Variants in ZFP90 observed in about 807,000 individuals in gnomAD.
ZFP90 encodes the protein ZFP90 zinc finger protein.
A neutral mutation model predicts 60.8 loss-of-function variants in ZFP90; 38 were observed. That is an observed-to-expected ratio of 0.62 (90% CI 0.48 to 0.82). The LOEUF is 0.82. Among genes scored for constraint, ZFP90 ranks in the 40% least tolerant of loss-of-function variants. ZFP90 has a pLI of 0.00. For missense variants in ZFP90, 711 were observed against 759.1 expected (o/e 0.94, Z 0.74); for synonymous variants, 287 against 264.8 (o/e 1.08, Z -0.82).
At chr16:68,572,015 T>C (rs1041525299), downstream of ZFP90, among the ~76,000 whole-genome samples, 2 of 152,152 alleles carry the variant, frequency 1.3e-5, no homozygotes, top group Non-Finnish European at 2.9e-5. Context: ...TGGAAAAACA[T>C]ACTTTTTTAA....
chr16:68,545,307 T>G (rs572134381), intron 2 of ZFP90, among the ~76,000 whole-genome samples: 2 of 152,108 alleles, frequency 1.3e-5, no homozygotes, highest in Non-Finnish European at 2.9e-5. Context: ...TTGCCCAGAC[T>G]AAACACGAGG....
rs2091504361 is a variant in ZFP90 at position 68,565,073 on chromosome 16, AT to A, written c.*377del. 5 of 999,378 alleles carry A rather than the reference AT, an allele frequency of 5.0e-6. No individual in the cohort carries two copies. Among genetic ancestry groups the A allele is most frequent in the Non-Finnish European group, 6.0e-6 (5 of 839,162 alleles). The allele number at this position is 999,378 out of a possible 1,614,324, so 61.9% of individuals were successfully genotyped here. On this transcript the variant is annotated 3_prime_UTR_variant, in exon 5 of 5. Coordinates refer to ENST00000563169, the MANE Select transcript of ZFP90 (RefSeq NM_001305203.2). Reference sequence around the variant, plus strand: ...GTAATGACCAAAACCCATTTTAAAAATTGCTTGACAACTGCACTCAACTGCA... The same window carrying A: ...GTAATGACCAAAACCCATTTTAAAAATGCTTGACAACTGCACTCAACTGCA...
At chr16:68,554,025 A>G (rs569432924) in intron 2 of ZFP90, among the ~76,000 whole-genome samples, 111 of 152,244 alleles carry the variant, frequency 7.3e-4, no homozygotes, top group Admixed American at 2.5e-3. Flanking sequence ...AGGTTGTAGC[A>G]GTAGTTCAGG....
intron 2 of ZFP90, among the ~76,000 whole-genome samples, chr16:68,543,365 T>C (rs921852817): frequency 6.6e-6 from 1 of 152,098 alleles, no homozygotes; most frequent in African/African-American, 2.4e-5. Flanking sequence ...TAGAGAGGTG[T>C]TTTGATGAGT....
intron 1 of ZFP90, 92 bp downstream of exon 1, chr16:68,539,571 A>AG (rs775099348): frequency 1.1e-5 from 6 of 537,756 alleles, no homozygotes; most frequent in South Asian, 7.9e-5. Flanking sequence ...GCGTGGCCGG[A>AG]GGGGGGTGTC....
chr16:68,564,534 T>C lies in ZFP90; in HGVS notation c.1747T>C (p.Cys583Arg). ...RTHTGEKPYE[C>R]NECGRAFRKK... ...TCATACTGGAGAGAAGCCCTATGAA[T>C]GTAATGAATGTGGGAGAGCCTTCCG... The change falls in exon 5 of 5, where the codon TGT becomes CGT. Residue 583 changes from cysteine to arginine, a missense_variant. By Grantham distance (180) the Cys-to-Arg change is radical. Transcript: ENST00000563169. 6.2e-7 allele frequency: 1 copy of C among 1,613,996 alleles called. No homozygotes were observed. The highest frequency in any genetic ancestry group is 2.2e-5 in the East Asian group (1 of 44,866).
rs1473867830 is a variant in ZFP90, at chr16:68,563,256, C to A, written c.469C>A (p.Gln157Lys). The A allele has an allele frequency of 6.2e-7, 1 of 1,613,538 alleles. No individual in the cohort carries two copies. The highest frequency in any genetic ancestry group is 2.2e-5 in the East Asian group (1 of 44,882). ...KIITPQENFE[Q>K]NKFGENSRLN... ...AATTACACCACAAGAAAATTTTGAG[C>A]AAAATAAATTTGGTGAAAATTCTAG... The change falls in exon 5 of 5, where the codon CAA becomes AAA. Residue 157 changes from glutamine (Q) to lysine (K), a missense_variant. Physicochemically the swap from Gln to Lys is moderately conservative, Grantham distance 53. Coordinates refer to ENST00000563169, the MANE Select transcript of ZFP90 (RefSeq NM_001305203.2).
In ZFP90 at chr16:68,553,594, GTGACTTGATCTGGCAGATTTTTGTTT is replaced by G. The variant is rs566906339; in HGVS notation, c.34-4401_34-4376del. 1.7e-4 allele frequency among the ~76,000 whole-genome samples: 26 copies of G among 152,234 alleles called. No individual in the cohort carries two copies. The South Asian group carries it at 5.4e-3, about 32-fold the overall frequency. ...TGCCATTGGAGGCCTTGAAACAGAG[GTGACTTGATCTGGCAGATTTTTGTTT>G]TGTTTTGTTTTTCTTTGAGACAGGG... On this transcript the variant is annotated intron_variant, in intron 2 of 4. Transcript: ENST00000563169.
intron 2 of ZFP90, among the ~76,000 whole-genome samples, chr16:68,540,578 G>T (rs1254224930): frequency 6.6e-6 from 1 of 152,084 alleles, no homozygotes; most frequent in Non-Finnish European, 1.5e-5. Context: ...TCAAGATCCA[G>T]ATGGTATCTG....
At chr16:68,555,509 C>G (rs56207945) in intron 2 of ZFP90, among the ~76,000 whole-genome samples, 19,853 of 152,166 alleles carry the variant, frequency 0.13, 1,430 homozygotes, top group Middle Eastern at 0.16. Flanking sequence ...TCATCCATCT[C>G]CTTAAGGCTC....
chr16:68,538,811 C>T (rs2090982808), upstream of ZFP90, among the ~76,000 whole-genome samples: 1 of 152,130 alleles, frequency 6.6e-6, no homozygotes, highest in Non-Finnish European at 1.5e-5. Context: ...TCTGCCTTTG[C>T]ACATTGCTCA....
At chr16:68,544,801 A>G (rs1167910521) in intron 2 of ZFP90, among the ~76,000 whole-genome samples, 1 of 145,116 alleles carries the variant, frequency 6.9e-6, no homozygotes. Flanking sequence ...CTCAGCTGAG[A>G]TTGCACCTTC....
exon 3 of ZFP90, chr16:68,576,000 A>G (rs1333117845): frequency 2.6e-6 from 1 of 388,432 alleles, no homozygotes; most frequent in Non-Finnish European, 4.5e-6. Flanking sequence ...TCCAGCAAGC[A>G]GCAAATGTTC....
chr16:68,560,639 C>T (rs1376495806), intron 4 of ZFP90, among the ~76,000 whole-genome samples: 3 of 151,826 alleles, frequency 2.0e-5, no homozygotes, highest in East Asian at 1.9e-4. Context: ...TCACTGTAAC[C>T]TCCACCTCCT....
chr16:68,552,347 A>G (rs1484984332), intron 2 of ZFP90, among the ~76,000 whole-genome samples: 2 of 152,210 alleles, frequency 1.3e-5, no homozygotes, highest in African/African-American at 2.4e-5. Flanking sequence ...CTAGGAGCAC[A>G]GTTTGGTAGG....
intron 2 of ZFP90, among the ~76,000 whole-genome samples, chr16:68,547,838 T>TC (rs1567398856): frequency 4.6e-4 from 11 of 24,016 alleles, no homozygotes; most frequent in South Asian, 2.1e-3. Flanking sequence ...TGATCTCTCT[T>TC]TTTTTTTTTT....
intron 2 of ZFP90, among the ~76,000 whole-genome samples, chr16:68,550,887 G>A (rs552056601): frequency 6.6e-6 from 1 of 152,326 alleles, no homozygotes; most frequent in Non-Finnish European, 1.5e-5. Context: ...AAGGAAAAAT[G>A]AAGAGTCAAG....
chr16:68,552,510 C>G (rs958970298), intron 2 of ZFP90, among the ~76,000 whole-genome samples: 3 of 152,124 alleles, frequency 2.0e-5, no homozygotes, highest in Non-Finnish European at 2.9e-5. Context: ...TTGACCAAGT[C>G]TTGGTGAAGA....
rs976016029 is a variant in ZFP90 at position 68,565,851 on chromosome 16, A to G, written c.*1153A>G. ...ATTAAAAAAATTAACTTGGCTAGGT[A>G]TGGTGTCTCACACCTGTAATCCCAG... On this transcript the variant is annotated 3_prime_UTR_variant, in exon 5 of 5. Coordinates refer to ENST00000563169, the MANE Select transcript of ZFP90 (RefSeq NM_001305203.2). 1 of 985,146 alleles carries G rather than the reference A, an allele frequency of 1.0e-6. No individual in the cohort carries two copies. Among genetic ancestry groups the G allele is most frequent in the Non-Finnish European group, 1.2e-6 (1 of 829,748 alleles). 61.0% of individuals were successfully genotyped at this position (985,146 alleles called of 1,614,324 possible). A position where few individuals can be genotyped will look rare whatever the true frequency, so the allele number is the denominator to read the frequency against.
Sources: allele counts gnomAD v4.1 joint callset (sites outside exome capture counted in the v4.1 genomes callset), GRCh38; gene constraint gnomAD v4.1.1; transcripts MANE v1.5; gene names NCBI Gene and HGNC (gene_info 2026-07-23, HGNC 2026-07-21).